The following ADGRG2 variants were observed in gnomAD, a reference collection of about 807,000 sequenced individuals.
ADGRG2 encodes G protein-coupled receptor 64.
A neutral mutation model predicts 74.1 loss-of-function variants in ADGRG2; 26 were observed. That is an observed-to-expected ratio of 0.35 (90% CI 0.26 to 0.49). ADGRG2 has a LOEUF of 0.49. Among genes scored for constraint, ADGRG2 ranks in the 20% least tolerant of loss-of-function variants. ADGRG2 has a pLI of 0.99. For missense variants in ADGRG2, 619 were observed against 763.1 expected (o/e 0.81, Z 2.22); for synonymous variants, 296 against 295.2 (o/e 1.00, Z -0.03).
intron 3 of ADGRG2, among the ~76,000 whole-genome samples, chrX:19,054,171 T>C (rs1187919047): frequency 8.9e-6 from 1 of 112,198 alleles, no homozygotes; most frequent in Non-Finnish European, 1.9e-5. Context: ...CTCCAGTTTC[T>C]TTTCTCCTTA....
intron 1 of ADGRG2, among the ~76,000 whole-genome samples, chrX:19,102,700 G>A (rs1274831002): frequency 9.2e-6 from 1 of 108,917 alleles, no homozygotes; most frequent in African/African-American, 3.4e-5. Context: ...ATATTTTGAA[G>A]CCCTAACCCC....
At chrX:19,062,680 C>T (rs149959602) in intron 3 of ADGRG2, among the ~76,000 whole-genome samples, 1,224 of 111,140 alleles carry the variant, frequency 0.011, 17 homozygotes, top group African/African-American at 0.037. Context: ...GCAGCTCTAC[C>T]GACTTCCTCG....
chrX:19,083,733 T>C lies in ADGRG2; in HGVS notation c.-46-987A>G, dbSNP rs41426345. On this transcript the variant is annotated intron_variant, in intron 1 of 28. Transcript: ENST00000379869. ...ACCTGACTTGTATCTTTTAGAATAT[T>C]CCAACATGCCTTACTTCTGAACCAA... is the stretch of plus-strand genomic sequence containing the variant. Among the ~76,000 whole-genome samples, 403 of 112,276 alleles carry C rather than the reference T, an allele frequency of 3.6e-3. 2 individuals are homozygous for C. The highest frequency in any genetic ancestry group is 0.012 in the African/African-American group (381 of 30,977).
rs769667824 is a variant in ADGRG2, at chrX:18,996,105, T to C, written c.2662A>G (p.Lys888Glu). 2 of 1,189,079 alleles carry C rather than the reference T, an allele frequency of 1.7e-6. No individual in the cohort carries two copies. Among genetic ancestry groups the C allele is most frequent in the Admixed American group, 4.4e-5 (2 of 45,439 alleles). The change falls in exon 27 of 29, where the codon AAG (lysine) becomes GAG (glutamate). Residue 888 changes from lysine (K) to glutamate (E), a missense_variant. Coordinates refer to ENST00000379869, the MANE Select transcript of ADGRG2 (RefSeq NM_001079858.3). ...CAACAAAGATACCGCCTCCATTGCTTCCTGACATTTTCTTTGGCCACACAG... is the reference window on the plus strand; with the variant it reads ...CAACAAAGATACCGCCTCCATTGCTCCCTGACATTTTCTTTGGCCACACAG... The part of the protein sequence containing the change: ...FYCVAKENVR[K>E]QWRRYLCCGK...
intron 3 of ADGRG2, among the ~76,000 whole-genome samples, chrX:19,040,870 A>G (rs962127787): frequency 1.8e-5 from 2 of 111,808 alleles, no homozygotes; most frequent in Non-Finnish European, 3.8e-5. Flanking sequence ...AGAAGAAAAT[A>G]AAAACCATCT....
chrX:19,029,302 T>C (rs1177423527), intron 9 of ADGRG2, among the ~76,000 whole-genome samples: 3 of 112,338 alleles, frequency 2.7e-5, no homozygotes, highest in Non-Finnish European at 5.6e-5. Context: ...AGCTTTTAAA[T>C]GATTATTTAA....
intron 1 of ADGRG2, among the ~76,000 whole-genome samples, chrX:19,097,569 T>C (rs1359521403): frequency 8.9e-6 from 1 of 112,318 alleles, no homozygotes; most frequent in Admixed American, 9.4e-5. Flanking sequence ...TAATGACTTA[T>C]CCTTTGTTAC....
chrX:19,035,785 TGTCAAA>T (rs2060925995), intron 7 of ADGRG2, 151 bp downstream of exon 7: 2 of 361,774 alleles, frequency 5.5e-6, no homozygotes, highest in African/African-American at 5.2e-5. Flanking sequence ...TATAGTTCAA[TGTCAAA>T]GTCAAAGGGG....
intron 2 of ADGRG2, among the ~76,000 whole-genome samples, chrX:19,070,990 C>A (rs2061645514): frequency 9.0e-6 from 1 of 111,551 alleles, no homozygotes. Context: ...TTCATTCATT[C>A]ATTCATTCAA....
At chrX:19,037,704 A>G (rs896720828) in intron 4 of ADGRG2, 68 bp from the exon 5 acceptor site, 2 of 780,525 alleles carry the variant, frequency 2.6e-6, no homozygotes, top group Admixed American at 7.5e-5. Flanking sequence ...AAGAATTAAA[A>G]CTTTTGAGAT....
chrX:19,068,949 TG>T (rs1391090934), intron 2 of ADGRG2, 114 bp from the exon 3 acceptor site: 3 of 384,001 alleles, frequency 7.8e-6, no homozygotes, highest in Middle Eastern at 4.7e-4. Flanking sequence ...CACTTCAAAT[TG>T]CTATGGTTCC....
At chrX:19,100,420 G>T (rs959745376) in intron 1 of ADGRG2, among the ~76,000 whole-genome samples, 5 of 113,312 alleles carry the variant, frequency 4.4e-5, no homozygotes, top group Non-Finnish European at 9.3e-5. Context: ...GAATGAGCGT[G>T]ACTCTGTTCC....
At chrX:19,087,652 G>A (rs1303320501) in intron 1 of ADGRG2, among the ~76,000 whole-genome samples, 3 of 112,025 alleles carry the variant, frequency 2.7e-5, no homozygotes, top group Non-Finnish European at 3.8e-5. Context: ...CAGAGCTTTC[G>A]GAATTGCTTT....
intron 11 of ADGRG2, among the ~76,000 whole-genome samples, chrX:19,026,526 G>A (rs1475023112): frequency 9.7e-6 from 1 of 103,056 alleles, no homozygotes. Flanking sequence ...ACAGAGTTTC[G>A]CTCTTGTCAC....
At chrX:19,010,123 G>GTTTTTTTT (rs946891811) in intron 17 of ADGRG2, among the ~76,000 whole-genome samples, 1 of 93,131 alleles carries the variant, frequency 1.1e-5, no homozygotes, top group Admixed American at 1.2e-4. Context: ...TTTTGTTTTT[G>GTTTTTTTT]TTTTTTTTTT....
At chrX:19,070,395 C>T (rs1028982649) in intron 2 of ADGRG2, among the ~76,000 whole-genome samples, 3 of 111,665 alleles carry the variant, frequency 2.7e-5, no homozygotes, top group Non-Finnish European at 3.8e-5. Context: ...ATGAAATGCA[C>T]GTGCTGGAGG....
chrX:19,014,545 G>C (rs756217399), intron 15 of ADGRG2, among the ~76,000 whole-genome samples: 21 of 112,310 alleles, frequency 1.9e-4, no homozygotes, highest in Non-Finnish European at 3.2e-4. Context: ...AATGAATCAA[G>C]CTGGGGCAAA....
At chrX:19,014,330 C>T (rs2060421757) in intron 15 of ADGRG2, among the ~76,000 whole-genome samples, 1 of 111,499 alleles carries the variant, frequency 9.0e-6, no homozygotes, top group Admixed American at 9.6e-5. Context: ...CAGTTCACTG[C>T]TGCTCTGTGG....
chrX:19,042,295 G>A (rs781021734), intron 3 of ADGRG2, among the ~76,000 whole-genome samples: 1 of 111,517 alleles, frequency 9.0e-6, no homozygotes, highest in Admixed American at 9.6e-5. Flanking sequence ...CCCTCAGAAT[G>A]ACACCTGTCA....
Sources: gnomAD v4.1 joint callset for allele counts (sites outside exome capture counted in the v4.1 genomes callset) on GRCh38, gnomAD v4.1.1 for gene constraint, MANE v1.5 for transcripts, NCBI Gene and HGNC (gene_info 2026-07-23, HGNC 2026-07-21) for gene names.